The following FBLN1 variants were observed in gnomAD, a reference collection of about 807,000 sequenced individuals.
FBLN1 encodes the protein fibulin-1.
A neutral mutation model predicts 89.7 loss-of-function variants in FBLN1; 34 were observed. That is an observed-to-expected ratio of 0.38 (90% CI 0.29 to 0.50). The LOEUF (loss-of-function observed/expected upper bound fraction) is 0.50. Among genes scored for constraint, FBLN1 ranks in the 20% least tolerant of loss-of-function variants. The pLI is 0.92. For synonymous variants in FBLN1, 393 were observed against 391.3 expected, an observed-to-expected ratio of 1.00 and a Z score of -0.05; for missense variants, 777 against 988.1, an observed-to-expected ratio of 0.79 and a Z score of 2.86.
intron 12 of FBLN1, among the ~76,000 whole-genome samples, chr22:45,547,903 C>G (rs1255145911): frequency 6.6e-6 from 1 of 152,064 alleles, no homozygotes; most frequent in Non-Finnish European, 1.5e-5. Flanking sequence ...ATATCCCTGA[C>G]TCAGAGCTCT....
rs1387150755 is a variant in FBLN1, at chr22:45,533,911, C to T, written c.784+13C>T. ...AATAGCTGCAAAGGTACAGCATGCG[C>T]TCCGAGTCTGCAAACCTGGTCTTCC... On this transcript the variant is annotated intron_variant, in intron 7 of 16. Transcript: ENST00000327858. 6.2e-7 allele frequency: 1 copy of T among 1,613,604 alleles called. No individual in the cohort carries two copies. Among genetic ancestry groups the T allele is most frequent in the Non-Finnish European group, 8.5e-7 (1 of 1,179,952 alleles).
intron 16 of FBLN1, among the ~76,000 whole-genome samples, chr22:45,595,933 G>C (rs75734803): frequency 5.0e-5 from 3 of 59,560 alleles, no homozygotes; most frequent in Admixed American, 3.2e-4. Context: ...GCAATGGCGC[G>C]ATCTCAGCTC....
rs1038506654 is a variant in FBLN1, at chr22:45,557,454, C to T, written c.1697+6839C>T. Among the ~76,000 whole-genome samples, 8 of 152,102 alleles carry T rather than the reference C, an allele frequency of 5.3e-5. No homozygotes were observed. The highest frequency in any genetic ancestry group is 3.9e-4 in the Admixed American group (6 of 15,274). On this transcript the variant is annotated intron_variant, in intron 14 of 16. Coordinates refer to ENST00000327858, the MANE Select transcript of FBLN1 (RefSeq NM_006486.3). The surrounding 1 kb of genome is among the most constrained non-coding windows in gnomAD (Gnocchi z 4.9). ...GCTCAGTGTTGGTCTCTGCTACTGG[C>T]GAATTGGGTACTCAGCAGTGGCCAT... is the stretch of plus-strand genomic sequence containing the variant.
intron 16 of FBLN1, among the ~76,000 whole-genome samples, chr22:45,591,363 G>A (rs1160106198): frequency 6.6e-6 from 1 of 151,858 alleles, no homozygotes; most frequent in Non-Finnish European, 1.5e-5. Flanking sequence ...AAGGCTGAAG[G>A]GCTTTAGTCC....
rs545666948 is a variant in FBLN1, at chr22:45,564,641, G to A, written c.1698-9870G>A. On this transcript the variant is annotated intron_variant, in intron 14 of 16. Transcript: ENST00000327858. ...ATGACCCCTTTCCTTCATGGTGCTT[G>A]TAACAGGCTGCGGTTCCTGTTGACT... 3.9e-5 allele frequency among the ~76,000 whole-genome samples: 6 copies of A among 152,346 alleles called. No homozygotes were observed. The South Asian group carries it at 1.2e-3, about 32-fold the overall frequency.
rs1159727002 is a variant in FBLN1 at position 45,574,680 on chromosome 22, A to C, written c.1840+27A>C. On this transcript the variant is annotated intron_variant, in intron 15 of 16. Coordinates refer to ENST00000327858, the MANE Select transcript of FBLN1 (RefSeq NM_006486.3). The surrounding 1 kb of genome is among the most constrained non-coding windows in gnomAD (Gnocchi z 4.1). Reference sequence around the variant, plus strand: ...TGAGTGGGATGGGTGTGGGGGTCCCAGGGCCCCCTAGGGCCTCCCTCGGCT... The same window carrying C: ...TGAGTGGGATGGGTGTGGGGGTCCCCGGGCCCCCTAGGGCCTCCCTCGGCT... The C allele has an allele frequency of 6.2e-7, 1 of 1,602,114 alleles. No individual in the cohort carries two copies. Among genetic ancestry groups the C allele is most frequent in the African/African-American group, 1.3e-5 (1 of 74,380 alleles).
At chr22:45,533,241 G>A in intron 6 of FBLN1, 77 bp downstream of exon 6, 2 of 1,340,436 alleles carry the variant, frequency 1.5e-6, no homozygotes, top group South Asian at 2.4e-5. Context: ...GGACTGACCA[G>A]GGCCTGCCTT....
chr22:45,560,019 C>T (rs777297426), intron 14 of FBLN1, among the ~76,000 whole-genome samples: 16 of 152,126 alleles, frequency 1.1e-4, no homozygotes, highest in South Asian at 1.0e-3. Context: ...TAGAAGTTTT[C>T]GGCTTATACA....
chr22:45,585,909 G>A (rs1286350091), intron 16 of FBLN1, among the ~76,000 whole-genome samples: 1 of 152,118 alleles, frequency 6.6e-6, no homozygotes, highest in Non-Finnish European at 1.5e-5. Context: ...CCCTCCTTGA[G>A]GTTATCAGCC....
At position 45,577,359 on chromosome 22, in the gene FBLN1, G is replaced by A. The variant is rs941353367; in HGVS notation, c.1972+251G>A. ...TCTCTGGGTGACCCCTCTGGGTCTC[G>A]GTCTCCCTGCCTATAACATGGGTGG... is the stretch of plus-strand genomic sequence containing the variant. On this transcript the variant is annotated intron_variant, in intron 16 of 16. Coordinates refer to ENST00000327858, the MANE Select transcript of FBLN1 (RefSeq NM_006486.3). This position sits in a 1 kb window ranked among gnomAD's most constrained non-coding sequence, Gnocchi z 6.6. Among the ~76,000 whole-genome samples the A allele has an allele frequency of 5.9e-5, 9 of 152,158 alleles. No individual in the cohort carries two copies. Among genetic ancestry groups the A allele is most frequent in the African/African-American group, 1.9e-4 (8 of 41,420 alleles).
At position 45,561,535 on chromosome 22, in the gene FBLN1, T is replaced by C. The variant is rs149734278; in HGVS notation, c.1697+10920T>C. Among the ~76,000 whole-genome samples, 1 of 152,210 alleles carries C rather than the reference T, an allele frequency of 6.6e-6. No homozygotes were observed. Among genetic ancestry groups the C allele is most frequent in the Middle Eastern group, 3.2e-3 (1 of 316 alleles). ...TCTCTAAACAGTTCATGCCAAGGACTATCAGTGTTCTCCATACTATTAGAA... is the reference window on the plus strand; with the variant it reads ...TCTCTAAACAGTTCATGCCAAGGACCATCAGTGTTCTCCATACTATTAGAA... On this transcript the variant is annotated intron_variant, in intron 14 of 16. Transcript: ENST00000327858. The surrounding 1 kb of genome is among the most constrained non-coding windows in gnomAD (Gnocchi z 4.7).
chr22:45,532,847 G>A lies in FBLN1; in HGVS notation c.545-216G>A. 1.7e-6 allele frequency: 1 copy of A among 604,634 alleles called. No individual in the cohort carries two copies. The highest frequency in any genetic ancestry group is 2.8e-5 in the East Asian group (1 of 36,042). The allele number at this position is 604,634 out of a possible 1,614,324, so 37.5% of individuals were successfully genotyped here. A position where few individuals can be genotyped will look rare whatever the true frequency, so the allele number is the denominator to read the frequency against. ...GCACACCACCTGATTTTCCAGACGG[G>A]GAGGTTGGGACCTGAAGCAGCAGCC... On this transcript the variant is annotated intron_variant, in intron 5 of 16. Transcript: ENST00000327858. The surrounding 1 kb of genome is among the most constrained non-coding windows in gnomAD (Gnocchi z 4.2).
chr22:45,590,985 G>A lies in FBLN1; in HGVS notation c.1973-9322G>A, dbSNP rs976938268. On this transcript the variant is annotated intron_variant, in intron 16 of 16. Coordinates refer to ENST00000327858, the MANE Select transcript of FBLN1 (RefSeq NM_006486.3). The surrounding 1 kb of genome is among the most constrained non-coding windows in gnomAD (Gnocchi z 4.1). ...AGGTAGGTGGGTGGAGGCTGAGGTC[G>A]GCTCAGGAGACACACGGAGGGAGGG... Among the ~76,000 whole-genome samples, 22 of 152,144 alleles carry A rather than the reference G, an allele frequency of 1.4e-4. No individual in the cohort carries two copies. The highest frequency in any genetic ancestry group is 5.3e-4 in the African/African-American group (22 of 41,438).
intron 16 of FBLN1, among the ~76,000 whole-genome samples, chr22:45,584,783 C>G (rs1313402948): frequency 6.6e-6 from 1 of 152,226 alleles, no homozygotes; most frequent in East Asian, 1.9e-4. Context: ...CCAGGACCGT[C>G]CAGCCCAAAG....
Position 45,542,137 on chromosome 22 carries a change from T to G in FBLN1, c.1067-18T>G, listed in dbSNP as rs2088563868. The G allele has an allele frequency of 6.2e-7, 1 of 1,614,092 alleles. No individual in the cohort carries two copies. Among genetic ancestry groups the G allele is most frequent in the Admixed American group, 1.7e-5 (1 of 60,016 alleles). On this transcript the variant is annotated intron_variant, in intron 9 of 16. Transcript: ENST00000327858. ...CAAACTAAAGGTTTTCATCATGGCT[T>G]TCTTTCTCCTTTGCAAGATGTGGAC...
rs1274220649 is a variant in FBLN1 at position 45,548,541 on chromosome 22, G to A, written c.1442-72G>A. The A allele has an allele frequency of 2.5e-6, 4 of 1,603,098 alleles. No individual in the cohort carries two copies. The African/African-American group carries it at 4.0e-5, about 16-fold the overall frequency. On this transcript the variant is annotated intron_variant, in intron 12 of 16. Transcript: ENST00000327858. ...CCCGGGCCCCAGTGCAGCCCCCAGG[G>A]CGATGTAGCATGGCCAGCAGCCATG... is the stretch of plus-strand genomic sequence containing the variant.
intron 4 of FBLN1, among the ~76,000 whole-genome samples, chr22:45,529,934 G>T (rs1162303708): frequency 6.6e-6 from 1 of 152,164 alleles, no homozygotes; most frequent in East Asian, 1.9e-4. Flanking sequence ...AGAACCCTCA[G>T]ACCTGTAGTC....
Position 45,541,287 on chromosome 22 carries a change from C to T in FBLN1, c.981C>T (p.Asn327=), listed in dbSNP as rs2088552559. The change falls in exon 9 of 17, where the codon AAC becomes AAT. Residue 327 remains asparagine (N), a synonymous_variant. Transcript: ENST00000327858. ...GCCCTATCGGGCATACATGCATCAA[C>T]ACAGAGGGCTCCTACACGTGCCAGA... ...APCPIGHTCI[N]TEGSYTCQKN... The T allele has an allele frequency of 2.5e-6, 4 of 1,614,108 alleles. No homozygotes were observed. Among genetic ancestry groups the T allele is most frequent in the Non-Finnish European group, 3.4e-6 (4 of 1,180,034 alleles).
intron 1 of FBLN1, among the ~76,000 whole-genome samples, chr22:45,511,741 T>C (rs1428953321): frequency 6.6e-6 from 1 of 152,080 alleles, no homozygotes; most frequent in Non-Finnish European, 1.5e-5. Flanking sequence ...GAGCCACTGC[T>C]CCCGGCCTCT....
Sources: gnomAD v4.1 joint callset for allele counts (sites outside exome capture counted in the v4.1 genomes callset) on GRCh38, gnomAD v4.1.1 for gene constraint, Gnocchi (gnomAD v3.1) non-coding constraint, MANE v1.5 for transcripts, NCBI Gene and HGNC (gene_info 2026-07-23, HGNC 2026-07-21) for gene names.